Variants in SAMD12 observed in about 807,000 individuals in gnomAD.
SAMD12 encodes the protein sterile alpha motif domain-containing protein 12.
Under a neutral mutation model 15.0 loss-of-function variants are expected in SAMD12, and 9 were observed. The ratio of observed to expected loss-of-function variants is 0.60; its 90% CI spans 0.36 to 1.05. The LOEUF is 1.05. Ranked by LOEUF, SAMD12 falls within the 50% of genes least tolerant of loss-of-function variation. The pLI is 0.01. For synonymous variants in SAMD12, 86 were observed against 90.1 expected (o/e 0.96, Z 0.25); for missense variants, 230 against 234.2 (o/e 0.98, Z 0.12).
chr8:118,162,370 A>G, the SAMD12 span, among the ~76,000 whole-genome samples: 1 of 151,326 alleles, frequency 6.6e-6, no homozygotes, highest in Non-Finnish European at 1.5e-5. Context: ...TAACATAATT[A>G]TAGAGAATGT....
chr8:118,299,886 A>G (rs1814925798), intron 4 of SAMD12, among the ~76,000 whole-genome samples: 1 of 152,032 alleles, frequency 6.6e-6, no homozygotes, highest in Non-Finnish European at 1.5e-5. Flanking sequence ...TCTCGTCTCA[A>G]ATTTACATCA....
At chr8:118,388,360 A>G (rs138196993) in intron 3 of SAMD12, among the ~76,000 whole-genome samples, 29 of 152,264 alleles carry the variant, frequency 1.9e-4, no homozygotes, top group South Asian at 4.2e-4. Context: ...TATAATAAGC[A>G]CTTCATTTTT....
At chr8:118,614,422 G>T (rs143236330) in intron 1 of SAMD12, among the ~76,000 whole-genome samples, 296 of 152,266 alleles carry the variant, frequency 1.9e-3, no homozygotes, top group African/African-American at 6.0e-3. Flanking sequence ...ATCTAGCCTG[G>T]TTGCAGATCT....
intron 1 of SAMD12, among the ~76,000 whole-genome samples, chr8:118,584,857 A>G (rs1827392880): frequency 1.3e-5 from 2 of 151,742 alleles, no homozygotes; most frequent in Non-Finnish European, 2.9e-5. Flanking sequence ...GGGAAACAGT[A>G]TGGTGGTTCC....
At chr8:118,332,173 T>C in intron 4 of SAMD12, among the ~76,000 whole-genome samples, 1 of 152,216 alleles carries the variant, frequency 6.6e-6, no homozygotes, top group Admixed American at 6.5e-5. Context: ...TTTGTAAATA[T>C]ATGTACTCCT....
chr8:118,284,562 T>C (rs575495797), intron 4 of SAMD12: 2 of 335,584 alleles, frequency 6.0e-6, no homozygotes, highest in African/African-American at 2.2e-5. Flanking sequence ...GTGAAATTCA[T>C]TAAATGCTCT....
At chr8:118,248,818 TAAGA>T (rs1812755868) in intron 4 of SAMD12, among the ~76,000 whole-genome samples, 1 of 152,166 alleles carries the variant, frequency 6.6e-6, no homozygotes, top group Admixed American at 6.5e-5. Context: ...AAATGCAGTG[TAAGA>T]TCAATACAGC....
At chr8:118,163,541 C>A in the SAMD12 span, among the ~76,000 whole-genome samples, 1 of 152,142 alleles carries the variant, frequency 6.6e-6, no homozygotes, top group African/African-American at 2.4e-5. Context: ...CATACCCATG[C>A]CTTTGGAGAG....
intron 3 of SAMD12, among the ~76,000 whole-genome samples, chr8:118,410,254 G>A (rs185722885): frequency 6.6e-6 from 1 of 152,258 alleles, no homozygotes; most frequent in East Asian, 1.9e-4. Context: ...AGAAAATGAA[G>A]GTTGAAAGGG....
At chr8:118,303,509 G>C (rs1815156011) in intron 4 of SAMD12, among the ~76,000 whole-genome samples, 1 of 152,194 alleles carries the variant, frequency 6.6e-6, no homozygotes, top group Non-Finnish European at 1.5e-5. Flanking sequence ...GCATTACCAA[G>C]AGCATTTGTT....
intron 2 of SAMD12, among the ~76,000 whole-genome samples, chr8:118,489,822 C>T (rs889016226): frequency 5.3e-5 from 8 of 151,962 alleles, no homozygotes; most frequent in Admixed American, 2.0e-4. Context: ...TTTAATACAC[C>T]GAAATGAAGT....
intron 4 of SAMD12, among the ~76,000 whole-genome samples, chr8:118,322,009 A>T (rs1342344267): frequency 1.3e-5 from 2 of 152,138 alleles, no homozygotes; most frequent in Non-Finnish European, 2.9e-5. Context: ...ATTGTCTTGC[A>T]ATCTGGAAGA....
intron 4 of SAMD12, among the ~76,000 whole-genome samples, chr8:118,321,298 T>G (rs1165625887): frequency 0.09 from 4,883 of 53,962 alleles, 344 homozygotes; most frequent in African/African-American, 0.38. Context: ...TTTTTTTGTT[T>G]TTTTTTTTTT....
intron 3 of SAMD12, among the ~76,000 whole-genome samples, chr8:118,402,034 G>C (rs183383536): frequency 4.0e-3 from 601 of 151,958 alleles, no homozygotes; most frequent in Non-Finnish European, 6.7e-3. Flanking sequence ...CAGTTTCCTT[G>C]TCTTTCCATA....
chr8:118,250,288 T>C (rs1449373112), intron 4 of SAMD12, among the ~76,000 whole-genome samples: 18 of 152,098 alleles, frequency 1.2e-4, no homozygotes, highest in Non-Finnish European at 4.4e-5. Flanking sequence ...GCAAGTTCTT[T>C]AAACTCTCAG....
intron 1 of SAMD12, among the ~76,000 whole-genome samples, chr8:118,597,418 G>A (rs1268264493): frequency 6.6e-6 from 1 of 152,222 alleles, no homozygotes; most frequent in East Asian, 1.9e-4. Context: ...CTCTGGTAAT[G>A]TCAGTGAGGA....
intron 4 of SAMD12, among the ~76,000 whole-genome samples, chr8:118,247,072 G>A (rs1044859959): frequency 2.0e-5 from 3 of 152,070 alleles, no homozygotes; most frequent in Non-Finnish European, 4.4e-5. Flanking sequence ...AAGACTGGAG[G>A]CAGGCTTTAA....
intron 1 of SAMD12, among the ~76,000 whole-genome samples, chr8:118,608,602 C>G (rs184517620): frequency 6.6e-6 from 1 of 152,226 alleles, no homozygotes; most frequent in African/African-American, 2.4e-5. Context: ...CTCTCTGGTT[C>G]AAGCAATTCT....
intron 4 of SAMD12, among the ~76,000 whole-genome samples, chr8:118,365,587 C>G (rs1818722058): frequency 6.6e-6 from 1 of 152,060 alleles, no homozygotes; most frequent in Non-Finnish European, 1.5e-5. Flanking sequence ...ATTCCCAGGC[C>G]TTCAGAATTG....
Sources: allele counts gnomAD v4.1 joint callset (sites outside exome capture counted in the v4.1 genomes callset), GRCh38; gene constraint gnomAD v4.1.1; transcripts MANE v1.5; gene names NCBI Gene and HGNC (gene_info 2026-07-23, HGNC 2026-07-21).